ADGRL3: variants seen among roughly 807,000 people sequenced by gnomAD.
The protein encoded by ADGRL3 is adhesion G protein-coupled receptor L3.
Under a neutral mutation model 153.5 loss-of-function variants are expected in ADGRL3, and 62 were observed. That is an observed-to-expected ratio of 0.40 (90% CI 0.33 to 0.50). The LOEUF (loss-of-function observed/expected upper bound fraction) is 0.50. Ranked by LOEUF, ADGRL3 falls within the 20% of genes least tolerant of loss-of-function variation. The pLI, the probability that ADGRL3 is intolerant of heterozygous loss-of-function variation, is 0.47. For synonymous variants in ADGRL3, 710 were observed against 672.5 expected (o/e 1.06, Z -0.86); for missense variants, 1,641 against 1,859.4 (o/e 0.88, Z 2.16).
intron 17 of ADGRL3, among the ~76,000 whole-genome samples, chr4:61,972,817 A>G (rs1273902365): frequency 4.6e-5 from 7 of 152,014 alleles, no homozygotes; most frequent in Admixed American, 6.6e-5. Flanking sequence ...ATTTGTTTGT[A>G]TCGAAGAGGC....
chr4:61,925,900 T>C lies in ADGRL3; in HGVS notation c.2113-8940T>C, dbSNP rs137877056. ...CATCTGAATTGATGCCATACAATTA[T>C]AGTCATGCATTACCAGTGAGGATAC... is the stretch of plus-strand genomic sequence containing the variant. On this transcript the variant is annotated intron_variant, in intron 13 of 26. Coordinates refer to ENST00000683033, the MANE Select transcript of ADGRL3 (RefSeq NM_001387552.1). Among the ~76,000 whole-genome samples, 21 of 152,298 alleles carry C rather than the reference T, an allele frequency of 1.4e-4. No homozygotes were observed. In the East Asian group the frequency reaches 2.3e-3, roughly 17 times the overall value.
chr4:61,543,946 C>T lies in ADGRL3; in HGVS notation c.259+26428C>T, dbSNP rs2098702250. The stretch of plus-strand genomic sequence containing the variant: ...TTTTACCCATCCAGTCTCCTCAAGA[C>T]TTTGTCTGCTCATATTAGTCCACTC... On this transcript the variant is annotated intron_variant, in intron 4 of 26. Coordinates refer to ENST00000683033, the MANE Select transcript of ADGRL3 (RefSeq NM_001387552.1). Among the ~76,000 whole-genome samples, 3 of 152,236 alleles carry T rather than the reference C, an allele frequency of 2.0e-5. No individual in the cohort carries two copies. The South Asian group carries it at 6.2e-4, about 31-fold the overall frequency.
chr4:61,284,270 G>A (rs1373181914), intron 1 of ADGRL3, among the ~76,000 whole-genome samples: 2 of 151,922 alleles, frequency 1.3e-5, no homozygotes, highest in Non-Finnish European at 2.9e-5. Flanking sequence ...AGAGGTAGCA[G>A]CTCACCATCA....
intron 1 of ADGRL3, chr4:61,211,588 G>A (rs1168218418): frequency 6.6e-6 from 1 of 152,150 alleles, no homozygotes; most frequent in Non-Finnish European, 1.5e-5. Flanking sequence ...AGAAGAATTG[G>A]TTAGGAAAAT....
intron 1 of ADGRL3, among the ~76,000 whole-genome samples, chr4:61,323,094 C>G (rs145124518): frequency 1.3e-5 from 2 of 152,342 alleles, no homozygotes; most frequent in African/African-American, 4.8e-5. Flanking sequence ...CACATGGAAG[C>G]TGCCAAGGCT....
chr4:61,729,037 T>C (rs943113496), intron 6 of ADGRL3, among the ~76,000 whole-genome samples: 1 of 151,818 alleles, frequency 6.6e-6, no homozygotes, highest in Non-Finnish European at 1.5e-5. Flanking sequence ...AGAAATATTG[T>C]TAAAAATAAT....
At chr4:61,413,680 C>T (rs184503516) in intron 2 of ADGRL3, among the ~76,000 whole-genome samples, 5 of 152,264 alleles carry the variant, frequency 3.3e-5, no homozygotes, top group Admixed American at 6.5e-5. Flanking sequence ...GGGCCATTTT[C>T]GGTCTATATC....
intron 1 of ADGRL3, among the ~76,000 whole-genome samples, chr4:61,220,289 T>C (rs2149005980): frequency 6.6e-6 from 1 of 152,210 alleles, no homozygotes; most frequent in Non-Finnish European, 1.5e-5. Context: ...TCTTGTATGA[T>C]TTAAAAAGGT....
chr4:61,327,394 T>C (rs555769673), intron 1 of ADGRL3, among the ~76,000 whole-genome samples: 5 of 151,862 alleles, frequency 3.3e-5, no homozygotes, highest in African/African-American at 1.2e-4. Context: ...CTCCTACCTG[T>C]TTTCTTTTTC....
chr4:61,971,977 A>G lies in ADGRL3; in HGVS notation c.2806-7586A>G, dbSNP rs576862649. ...CTTCTTTTGAGAAGTATCTGTTCAT[A>G]TCCTTTGCCCACTTTTTGATGGGGT... On this transcript the variant is annotated intron_variant, in intron 17 of 26. Transcript: ENST00000683033. Among the ~76,000 whole-genome samples the G allele has an allele frequency of 1.7e-3, 256 of 151,966 alleles. 1 individual carries two copies. Among genetic ancestry groups the G allele is most frequent in the Admixed American group, 2.8e-3 (43 of 15,258 alleles).
At chr4:61,374,968 A>G (rs886891291) in intron 1 of ADGRL3, among the ~76,000 whole-genome samples, 2 of 152,212 alleles carry the variant, frequency 1.3e-5, no homozygotes, top group East Asian at 3.9e-4. Flanking sequence ...TAAACCTCTG[A>G]GAACACTTCA....
intron 1 of ADGRL3, among the ~76,000 whole-genome samples, chr4:61,304,297 A>G (rs981102204): frequency 6.6e-6 from 1 of 152,206 alleles, no homozygotes; most frequent in Non-Finnish European, 1.5e-5. Flanking sequence ...TCTCAAGGGA[A>G]TACACACCTT....
At chr4:61,486,996 G>A (rs1009549010) in intron 2 of ADGRL3, among the ~76,000 whole-genome samples, 3 of 152,140 alleles carry the variant, frequency 2.0e-5, no homozygotes, top group South Asian at 2.1e-4. Context: ...GCCTGTTTAC[G>A]GCATGATTCT....
intron 1 of ADGRL3, among the ~76,000 whole-genome samples, chr4:61,255,767 T>A (rs1478536239): frequency 2.0e-5 from 3 of 152,188 alleles, no homozygotes; most frequent in Non-Finnish European, 4.4e-5. Flanking sequence ...TGTCTGCCTC[T>A]CATTATTTCA....
chr4:61,428,216 T>C (rs1441580301), intron 2 of ADGRL3: 1 of 152,744 alleles, frequency 6.5e-6, no homozygotes, highest in East Asian at 1.9e-4. Context: ...GGCTTTATTA[T>C]GCACCACCCC....
intron 9 of ADGRL3, among the ~76,000 whole-genome samples, chr4:61,857,013 T>TTTCC (rs2098281029): frequency 5.0e-5 from 7 of 139,816 alleles, no homozygotes; most frequent in East Asian, 2.3e-4. Flanking sequence ...TCTTTCTTTC[T>TTTCC]TTCCTTCCTC....
intron 1 of ADGRL3, among the ~76,000 whole-genome samples, chr4:61,317,625 G>A (rs1306109298): frequency 3.3e-5 from 5 of 152,128 alleles, no homozygotes; most frequent in South Asian, 2.1e-4. Flanking sequence ...AGGAGAATGA[G>A]TTGTGAAATG....
In ADGRL3 at chr4:62,074,159, A is replaced by G. The variant is rs968708482; in HGVS notation, c.*3251A>G. 6.6e-6 allele frequency: 1 copy of G among 151,960 alleles called. No homozygotes were observed. Among genetic ancestry groups the G allele is most frequent in the African/African-American group, 2.4e-5 (1 of 41,372 alleles). The allele number at this position is 151,960 out of a possible 1,614,324, so 9.4% of individuals were successfully genotyped here. Reference sequence around the variant, plus strand: ...ATCCTGAGACATTTATGACCTGCTTATCTGTATATTTTTATGTGTTCATCT... The same window carrying G: ...ATCCTGAGACATTTATGACCTGCTTGTCTGTATATTTTTATGTGTTCATCT... On this transcript the variant is annotated 3_prime_UTR_variant, in exon 27 of 27. Coordinates refer to ENST00000683033, the MANE Select transcript of ADGRL3 (RefSeq NM_001387552.1).
At chr4:62,021,405 G>A (rs573349606) in intron 21 of ADGRL3, among the ~76,000 whole-genome samples, 61 of 152,132 alleles carry the variant, frequency 4.0e-4, no homozygotes, top group Non-Finnish European at 6.9e-4. Context: ...TGGTTTGCAC[G>A]TCCATGTTTT....
Sources: allele counts gnomAD v4.1 joint callset (sites outside exome capture counted in the v4.1 genomes callset), GRCh38; gene constraint gnomAD v4.1.1; transcripts MANE v1.5; gene names NCBI Gene and HGNC (gene_info 2026-07-23, HGNC 2026-07-21).